Variants in DPH6 observed in about 807,000 individuals in gnomAD.
DPH6 encodes the protein diphthamine biosynthesis 6.
Under a neutral mutation model 38.2 loss-of-function variants are expected in DPH6, and 33 were observed. The ratio of observed to expected loss-of-function variants is 0.86; its 90% CI spans 0.65 to 1.15. DPH6 has a LOEUF of 1.15. Ranked by LOEUF, DPH6 falls within the 50% of genes most tolerant of loss-of-function variation. The pLI, the probability that DPH6 is intolerant of heterozygous loss-of-function variation, is 0.00. For synonymous variants in DPH6, 108 were observed against 103.0 expected (o/e 1.05, Z -0.30); for missense variants, 325 against 320.0 (o/e 1.02, Z -0.12).
chr15:35,400,880 C>T, intron 6 of DPH6: 2 of 920,958 alleles, frequency 2.2e-6, no homozygotes, highest in African/African-American at 1.6e-5. Flanking sequence ...TCATATGCCA[C>T]TGTGGAGGAG....
intron 3 of DPH6, among the ~76,000 whole-genome samples, chr15:35,497,414 G>T (rs1391319747): frequency 6.6e-6 from 1 of 152,142 alleles, no homozygotes; most frequent in Non-Finnish European, 1.5e-5. Flanking sequence ...AACATATAAA[G>T]TTATACAGCA....
At chr15:35,153,389 T>G in the DPH6 span, among the ~76,000 whole-genome samples, 72 of 152,264 alleles carry the variant, frequency 4.7e-4, no homozygotes, top group African/African-American at 1.6e-3. Context: ...TTGCCTAAGA[T>G]TCAGTATTAG....
chr15:35,378,267 C>T (rs975611606), intron 7 of DPH6, among the ~76,000 whole-genome samples: 3 of 152,124 alleles, frequency 2.0e-5, no homozygotes, highest in African/African-American at 7.2e-5. Context: ...CAAATCAAAA[C>T]CACAATGAGA....
chr15:35,415,354 T>C (rs1055403378), intron 5 of DPH6, among the ~76,000 whole-genome samples: 1 of 152,000 alleles, frequency 6.6e-6, no homozygotes, highest in African/African-American at 2.4e-5. Flanking sequence ...TTTTGCATTC[T>C]ATGTACGAGT....
intron 3 of DPH6, among the ~76,000 whole-genome samples, chr15:35,303,931 A>G (rs1018632300): frequency 2.6e-5 from 4 of 151,970 alleles, no homozygotes; most frequent in African/African-American, 9.7e-5. Context: ...TGAAAATAAT[A>G]TTGTAGCAAA....
chr15:35,287,040 G>A (rs942336043), intron 3 of DPH6, among the ~76,000 whole-genome samples: 1 of 152,056 alleles, frequency 6.6e-6, no homozygotes, highest in Non-Finnish European at 1.5e-5. Context: ...GTTAAAATGT[G>A]ACACAAGACT....
chr15:35,323,081 C>T (rs564419446), intron 3 of DPH6, among the ~76,000 whole-genome samples: 41 of 152,106 alleles, frequency 2.7e-4, no homozygotes, highest in African/African-American at 9.6e-4. Context: ...AAAATGAAGA[C>T]GATGCTCATG....
intron 3 of DPH6, among the ~76,000 whole-genome samples, chr15:35,462,436 C>T (rs1452014498): frequency 2.0e-5 from 3 of 152,186 alleles, no homozygotes; most frequent in East Asian, 1.9e-4. Flanking sequence ...ACATCACCAC[C>T]AACTACTGCA....
intron 6 of DPH6, among the ~76,000 whole-genome samples, chr15:35,406,070 G>A (rs968534505): frequency 1.3e-5 from 2 of 152,020 alleles, no homozygotes; most frequent in Non-Finnish European, 2.9e-5. Flanking sequence ...AGAAAAAATA[G>A]TATGATAAAT....
At chr15:35,461,726 T>A (rs2054069394) in intron 3 of DPH6, among the ~76,000 whole-genome samples, 1 of 152,176 alleles carries the variant, frequency 6.6e-6, no homozygotes, top group African/African-American at 2.4e-5. Context: ...TTTTACTTTA[T>A]ATATTCTTGT....
At chr15:35,501,882 A>T (rs8028293) in intron 3 of DPH6, among the ~76,000 whole-genome samples, 151,383 of 152,220 alleles carry the variant, frequency 0.99, 75,283 homozygotes, top group Middle Eastern at 1. Flanking sequence ...TCAACCCTGA[A>T]CTTAACTCAT....
At chr15:35,252,451 A>G (rs2051681292) in intron 3 of DPH6, among the ~76,000 whole-genome samples, 1 of 152,250 alleles carries the variant, frequency 6.6e-6, no homozygotes, top group East Asian at 1.9e-4. Context: ...CAGAGTCATT[A>G]AACAAGCATT....
chr15:35,309,219 C>G (rs2052119862), intron 3 of DPH6, among the ~76,000 whole-genome samples: 1 of 152,068 alleles, frequency 6.6e-6, no homozygotes, highest in African/African-American at 2.4e-5. Flanking sequence ...AATGCCTAAC[C>G]AATGGGTCAA....
At chr15:35,341,572 T>C (rs2052421821) in intron 3 of DPH6, among the ~76,000 whole-genome samples, 1 of 152,210 alleles carries the variant, frequency 6.6e-6, no homozygotes, top group African/African-American at 2.4e-5. Flanking sequence ...TTTGTTGATG[T>C]TGTTTTTTCT....
intron 2 of DPH6, among the ~76,000 whole-genome samples, chr15:35,539,153 G>C (rs2055215645): frequency 6.6e-6 from 1 of 151,788 alleles, no homozygotes; most frequent in East Asian, 1.9e-4. Flanking sequence ...TCAGAGCTCT[G>C]GGTGATATAA....
chr15:35,339,047 G>A (rs918237240), intron 3 of DPH6, among the ~76,000 whole-genome samples: 3 of 152,060 alleles, frequency 2.0e-5, no homozygotes, highest in Admixed American at 1.3e-4. Context: ...TGGGGGTAGC[G>A]GGTGGGGGAT....
At chr15:35,541,571 A>G (rs919544709) in intron 2 of DPH6, among the ~76,000 whole-genome samples, 2 of 152,256 alleles carry the variant, frequency 1.3e-5, no homozygotes, top group South Asian at 4.1e-4. Context: ...CATTTAATTA[A>G]TCTTAAAATA....
intron 5 of DPH6, among the ~76,000 whole-genome samples, chr15:35,431,827 G>A (rs956443288): frequency 5.3e-5 from 8 of 151,604 alleles, no homozygotes; most frequent in African/African-American, 1.7e-4. Flanking sequence ...TCGCTCTGTC[G>A]CCCAGGCTGG....
the DPH6 span, among the ~76,000 whole-genome samples, chr15:35,201,773 T>G: frequency 2.0e-5 from 3 of 151,782 alleles, no homozygotes; most frequent in East Asian, 5.8e-4. Flanking sequence ...AATTTTAAAA[T>G]TTAAAATATA....
Sources: gnomAD v4.1 joint callset for allele counts (sites outside exome capture counted in the v4.1 genomes callset) on GRCh38, gnomAD v4.1.1 for gene constraint, MANE v1.5 for transcripts, NCBI Gene and HGNC (gene_info 2026-07-23, HGNC 2026-07-21) for gene names.